Variants in STK4 observed in about 807,000 individuals in gnomAD.
The protein encoded by STK4 is serine/threonine kinase 4.
Under a neutral mutation model 64.9 loss-of-function variants are expected in STK4, and 30 were observed. The ratio of observed to expected loss-of-function variants is 0.46; its 90% CI spans 0.35 to 0.63. STK4 has a LOEUF of 0.63. STK4 is among the 20% of genes least tolerant of loss of function. The pLI is 0.01. For missense variants in STK4, 466 were observed against 598.5 expected, an observed-to-expected ratio of 0.78 and a Z score of 2.31; for synonymous variants, 177 against 199.0, an observed-to-expected ratio of 0.89 and a Z score of 0.93.
chr20:45,070,692 C>T (rs1296922057), intron 10 of STK4, among the ~76,000 whole-genome samples: 1 of 152,114 alleles, frequency 6.6e-6, no homozygotes, highest in Non-Finnish European at 1.5e-5. Context: ...TTGAGACCAG[C>T]CTGGCCAACA....
intron 1 of STK4, among the ~76,000 whole-genome samples, chr20:44,970,803 T>A (rs879312892): frequency 6.6e-6 from 1 of 152,130 alleles, no homozygotes; most frequent in Admixed American, 6.5e-5. Flanking sequence ...TATTGGTAGA[T>A]ACACTTGATG....
At chr20:45,011,532 A>G (rs1416535654) in intron 9 of STK4, among the ~76,000 whole-genome samples, 1 of 151,504 alleles carries the variant, frequency 6.6e-6, no homozygotes, top group Non-Finnish European at 1.5e-5. Flanking sequence ...CTCCCTTCCC[A>G]GATTTCTCAG....
Position 44,981,948 on chromosome 20 carries a change from G to T in STK4, c.360+5G>T. 1 of 1,599,206 alleles carries T rather than the reference G, an allele frequency of 6.3e-7. No homozygotes were observed. The highest frequency in any genetic ancestry group is 8.6e-7 in the Non-Finnish European group (1 of 1,166,624). On this transcript the variant is annotated splice_donor_5th_base_variant and intron_variant, in intron 4 of 10. Transcript: ENST00000372806. ...ATTCGATTACGAAATAAAACGGTAG[G>T]TTTACCTTCTAGAACATGCAACTGA...
chr20:44,968,142 CT>C (rs34448683), intron 1 of STK4, among the ~76,000 whole-genome samples: 130 of 145,410 alleles, frequency 8.9e-4, no homozygotes, highest in Middle Eastern at 3.6e-3. Flanking sequence ...AGTCCATGTT[CT>C]TTTTTTTTTT....
intron 9 of STK4, among the ~76,000 whole-genome samples, chr20:45,017,656 T>G (rs952549169): frequency 1.3e-5 from 2 of 152,152 alleles, no homozygotes; most frequent in Non-Finnish European, 2.9e-5. Context: ...AAAATGGAGT[T>G]TCAAAAGACT....
chr20:45,032,723 A>G (rs894798207), intron 10 of STK4, among the ~76,000 whole-genome samples: 5 of 152,182 alleles, frequency 3.3e-5, no homozygotes, highest in Non-Finnish European at 7.3e-5. Flanking sequence ...ATAGTACTGC[A>G]GCGAACACAA....
At chr20:45,062,357 C>T (rs921580302) in intron 10 of STK4, among the ~76,000 whole-genome samples, 1 of 152,104 alleles carries the variant, frequency 6.6e-6, no homozygotes, top group Admixed American at 6.5e-5. Flanking sequence ...TAGGTTAATG[C>T]CATGTCTTTG....
At position 44,981,817 on chromosome 20, in the gene STK4, C is replaced by T. The variant is rs189229500; in HGVS notation, c.246-12C>T. ...GCCATTTTATTAATTTGTATTGTCT[C>T]TCTCTCTCTAGCCCTCATGTAGTCA... On this transcript the variant is annotated splice_polypyrimidine_tract_variant and intron_variant, in intron 3 of 10. Coordinates refer to ENST00000372806, the MANE Select transcript of STK4 (RefSeq NM_006282.5). The T allele has an allele frequency of 8.2e-4, 1,238 of 1,517,600 alleles. 7 individuals are homozygous for T. The African/African-American group carries it at 0.015, about 19-fold the overall frequency. 94.0% of individuals were successfully genotyped at this position (1,517,600 alleles called of 1,614,324 possible). A position where few individuals can be genotyped will look rare whatever the true frequency, so the allele number is the denominator to read the frequency against.
intron 10 of STK4, among the ~76,000 whole-genome samples, chr20:45,038,028 C>A (rs1050653889): frequency 6.6e-6 from 1 of 152,140 alleles, no homozygotes; most frequent in Admixed American, 6.6e-5. Context: ...TCTGCCATTT[C>A]ATAGAGACAA....
intron 10 of STK4, among the ~76,000 whole-genome samples, chr20:45,066,866 A>T (rs1019927564): frequency 6.6e-6 from 1 of 152,206 alleles, no homozygotes; most frequent in African/African-American, 2.4e-5. Flanking sequence ...TTTAAGGAGC[A>T]AGATCTTTTG....
intron 3 of STK4, among the ~76,000 whole-genome samples, chr20:44,978,956 G>T (rs539077022): frequency 2.6e-5 from 4 of 151,890 alleles, no homozygotes; most frequent in Non-Finnish European, 5.9e-5. Flanking sequence ...GTGCCACTAC[G>T]CCCAGCTAAT....
intron 10 of STK4, among the ~76,000 whole-genome samples, chr20:45,026,339 G>A (rs1384065286): frequency 6.6e-6 from 1 of 151,546 alleles, no homozygotes; most frequent in Non-Finnish European, 1.5e-5. Flanking sequence ...GTGTGTGTGT[G>A]TGTGTGTGTG....
At chr20:45,065,615 C>T (rs984925419) in intron 10 of STK4, among the ~76,000 whole-genome samples, 56 of 142,404 alleles carry the variant, frequency 3.9e-4, no homozygotes, top group African/African-American at 1.4e-3. Flanking sequence ...CCATCTGGTC[C>T]TGGTCCTGGT....
chr20:45,007,495 C>T (rs897292562), intron 9 of STK4, among the ~76,000 whole-genome samples: 28 of 151,416 alleles, frequency 1.8e-4, no homozygotes, highest in African/African-American at 6.4e-4. Flanking sequence ...TGCAGTGAGC[C>T]GAAATCGCGC....
Position 45,076,375 on chromosome 20 carries a change from T to C in STK4, c.*1199T>C, listed in dbSNP as rs1438966831. On this transcript the variant is annotated 3_prime_UTR_variant, in exon 11 of 11. Coordinates refer to ENST00000372806, the MANE Select transcript of STK4 (RefSeq NM_006282.5). The surrounding 1 kb of genome is among the most constrained non-coding windows in gnomAD (Gnocchi z 4.0). ...CCAAAATCACAAAGCAAGTTAGCGTTAAGAGCTGAGACTAGAATTCAGGGT... is the reference window on the plus strand; with the variant it reads ...CCAAAATCACAAAGCAAGTTAGCGTCAAGAGCTGAGACTAGAATTCAGGGT... The C allele has an allele frequency of 6.6e-6, 1 of 152,356 alleles. No individual in the cohort carries two copies. The highest frequency in any genetic ancestry group is 1.5e-5 in the Non-Finnish European group (1 of 68,164). 9.4% of individuals were successfully genotyped at this position (152,356 alleles called of 1,614,324 possible). A position where few individuals can be genotyped will look rare whatever the true frequency, so the allele number is the denominator to read the frequency against.
intron 9 of STK4, among the ~76,000 whole-genome samples, chr20:45,004,768 T>C (rs2067905881): frequency 6.6e-6 from 1 of 150,708 alleles, no homozygotes; most frequent in African/African-American, 2.4e-5. Context: ...TTTTTTTTTC[T>C]TTTTTCTTTT....
At chr20:44,967,100 A>G in intron 1 of STK4, 12 of 976,728 alleles carry the variant, frequency 1.2e-5, no homozygotes, top group Non-Finnish European at 1.5e-5. Context: ...GGCTGAAAGC[A>G]TGCGAGGAAA....
chr20:45,012,843 G>A (rs1246677964), intron 9 of STK4, among the ~76,000 whole-genome samples: 6 of 146,456 alleles, frequency 4.1e-5, no homozygotes, highest in Admixed American at 6.8e-5. Flanking sequence ...GAATGCAGTG[G>A]CGCGATCCTA....
chr20:44,990,147 G>A (rs950762950), intron 5 of STK4, among the ~76,000 whole-genome samples: 11 of 152,006 alleles, frequency 7.2e-5, no homozygotes, highest in Admixed American at 6.5e-5. Context: ...TGCCATTTTG[G>A]CAATATTGTC....
Sources: gnomAD v4.1 joint callset for allele counts (sites outside exome capture counted in the v4.1 genomes callset) on GRCh38, gnomAD v4.1.1 for gene constraint, Gnocchi (gnomAD v3.1) non-coding constraint, MANE v1.5 for transcripts, NCBI Gene and HGNC (gene_info 2026-07-23, HGNC 2026-07-21) for gene names.